IGF2R: variants seen among roughly 807,000 people sequenced by gnomAD.
IGF2R encodes the protein insulin like growth factor 2 receptor, also known as cation-independent mannose-6-phosphate receptor.
Under a neutral mutation model 270.6 loss-of-function variants are expected in IGF2R, and 91 were observed. That is an observed-to-expected ratio of 0.34 (90% CI 0.28 to 0.40). IGF2R has a LOEUF of 0.40. Ranked by LOEUF, IGF2R falls within the 10% of genes least tolerant of loss-of-function variation. The pLI is 1.00. For missense variants in IGF2R, 2,805 were observed against 3,188.3 expected (o/e 0.88, Z 2.90); for synonymous variants, 1,316 against 1,258.9 (o/e 1.05, Z -0.96).
chr6:160,093,460 T>C, intron 44 of IGF2R: 1 of 460,440 alleles, frequency 2.2e-6, no homozygotes, highest in Non-Finnish European at 4.1e-6. Flanking sequence ...GATGAAGAGT[T>C]TGAGGAGATC....
chr6:159,993,137 A>T (rs1410147473), intron 2 of IGF2R, among the ~76,000 whole-genome samples: 2 of 152,050 alleles, frequency 1.3e-5, no homozygotes, highest in Non-Finnish European at 2.9e-5. Flanking sequence ...TTCCTTGTAG[A>T]TTCTGGATGT....
rs1253692636 is a variant in IGF2R, at chr6:159,980,193, AAGAAAG to A, written c.149+10800_149+10805del. The stretch of plus-strand genomic sequence containing the variant: ...GAGACTCCGTCTCAAAAAAGAAAGA[AAGAAAG>A]AAAGAAAGAAAGAAAGAAAGAAAGA... On this transcript the variant is annotated intron_variant, in intron 1 of 47. Coordinates refer to ENST00000356956, the MANE Select transcript of IGF2R (RefSeq NM_000876.4). 4.0e-4 allele frequency among the ~76,000 whole-genome samples: 27 copies of A among 67,548 alleles called. 1 individual carries two copies. Among genetic ancestry groups the A allele is most frequent in the African/African-American group, 1.8e-3 (27 of 14,978 alleles). 44.3% of individuals were successfully genotyped at this position (67,548 alleles called of 152,430 possible).
rs753475165 is a variant in IGF2R, at chr6:160,103,803, C to T, written c.7053C>T (p.Tyr2351=). 6.2e-7 allele frequency: 1 copy of T among 1,608,488 alleles called. No homozygotes were observed. The highest frequency in any genetic ancestry group is 1.7e-5 in the Admixed American group (1 of 60,022). ...TCCRRSSNVS[Y]KYSKVNKEEE... ...GTAGGAGAAGTTCCAACGTGTCCTA[C>T]AAATACTCAAAGGTAATTTTCTGTG... The change falls in exon 47 of 48, where the codon TAC becomes TAT. Residue 2351 remains tyrosine, a synonymous_variant. Coordinates refer to ENST00000356956, the MANE Select transcript of IGF2R (RefSeq NM_000876.4).
chr6:160,043,550 C>T (rs1287009718), intron 12 of IGF2R, among the ~76,000 whole-genome samples: 2 of 152,232 alleles, frequency 1.3e-5, no homozygotes, highest in African/African-American at 4.8e-5. Flanking sequence ...ACTACATCAT[C>T]TTTTTAGTTT....
chr6:160,075,411 T>C (rs1349751873), intron 35 of IGF2R, among the ~76,000 whole-genome samples: 1 of 152,172 alleles, frequency 6.6e-6, no homozygotes, highest in East Asian at 1.9e-4. Flanking sequence ...GGGGCAGCAC[T>C]GGGCAGTGAG....
At chr6:160,041,838 T>G (rs1438231724) in intron 11 of IGF2R, among the ~76,000 whole-genome samples, 3 of 152,110 alleles carry the variant, frequency 2.0e-5, no homozygotes, top group Admixed American at 6.5e-5. Flanking sequence ...GTGAAGACAT[T>G]GGTTTTCTGT....
At chr6:160,023,668 A>AC (rs1264549913) in intron 4 of IGF2R, among the ~76,000 whole-genome samples, 1 of 152,042 alleles carries the variant, frequency 6.6e-6, no homozygotes, top group Non-Finnish European at 1.5e-5. Context: ...CAGAGGTTGA[A>AC]CCCCAAGTGT....
At chr6:160,075,740 A>G in intron 35 of IGF2R, 107 bp from the exon 36 acceptor site, 4 of 1,141,820 alleles carry the variant, frequency 3.5e-6, no homozygotes, top group Middle Eastern at 2.2e-4. Context: ...GCTCATTCTC[A>G]GAACCTATGA....
At chr6:160,054,125 G>C (rs1034655631) in intron 19 of IGF2R, among the ~76,000 whole-genome samples, 4 of 152,172 alleles carry the variant, frequency 2.6e-5, no homozygotes, top group Admixed American at 1.3e-4. Flanking sequence ...GGGAAGTGTA[G>C]CCTCAGGCCA....
rs1562332205 is a variant in IGF2R at position 159,984,392 on chromosome 6, G to GTCTTATGAAAGCA, written c.150-6790_150-6789insTTATGAAAGCATC. On this transcript the variant is annotated intron_variant, in intron 1 of 47. Coordinates refer to ENST00000356956, the MANE Select transcript of IGF2R (RefSeq NM_000876.4). ...ACTGCGCTACCAGTCTTATGAAAGC[G>GTCTTATGAAAGCA]TCCAGTCAGGTCCTAGGCCTTTAGG... 7.2e-4 allele frequency among the ~76,000 whole-genome samples: 110 copies of GTCTTATGAAAGCA among 152,152 alleles called. 1 individual carries two copies. Among genetic ancestry groups the GTCTTATGAAAGCA allele is most frequent in the African/African-American group, 2.6e-3 (108 of 41,498 alleles).
chr6:159,999,037 T>A (rs1432125492), intron 2 of IGF2R, among the ~76,000 whole-genome samples: 1 of 152,064 alleles, frequency 6.6e-6, no homozygotes, highest in South Asian at 2.1e-4. Context: ...TCCAAGGAAG[T>A]TGAGAGGCTG....
chr6:160,020,558 A>G (rs569330915), intron 4 of IGF2R, among the ~76,000 whole-genome samples: 4 of 152,340 alleles, frequency 2.6e-5, no homozygotes, highest in East Asian at 1.9e-4. Context: ...CTGGAGGGCT[A>G]TAGTAATCAA....
intron 2 of IGF2R, among the ~76,000 whole-genome samples, chr6:159,993,063 T>C (rs946386932): frequency 5.9e-5 from 9 of 152,224 alleles, no homozygotes; most frequent in Non-Finnish European, 1.3e-4. Context: ...TTTAGAGAAA[T>C]GTCTGTTCAT....
intron 10 of IGF2R, 67 bp downstream of exon 10, chr6:160,034,589 A>G (rs1777772543): frequency 5.7e-6 from 6 of 1,049,812 alleles, no homozygotes; most frequent in Non-Finnish European, 8.9e-6. Flanking sequence ...GTGTGTGCAC[A>G]GGCGTGTTCT....
chr6:160,024,816 G>A lies in IGF2R; in HGVS notation c.646+112G>A. The A allele has an allele frequency of 2.5e-6, 3 of 1,221,390 alleles. No individual in the cohort carries two copies. In the Admixed American group the frequency reaches 6.4e-5, roughly 26 times the overall value. 75.7% of individuals were successfully genotyped at this position (1,221,390 alleles called of 1,614,324 possible). On this transcript the variant is annotated intron_variant, in intron 5 of 47. Transcript: ENST00000356956. ...TTTTCACATCCATGTTTCTGATTAG[G>A]CCCTCTAATAAAGCTTTTGTCCCCA...
At chr6:159,981,607 T>C (rs1455692792) in intron 1 of IGF2R, among the ~76,000 whole-genome samples, 2 of 152,216 alleles carry the variant, frequency 1.3e-5, no homozygotes, top group East Asian at 3.9e-4. Flanking sequence ...CTGGTGGTGG[T>C]TTTCTCCTCA....
At chr6:160,013,413 A>T (rs1320210127) in intron 4 of IGF2R, among the ~76,000 whole-genome samples, 1 of 136,996 alleles carries the variant, frequency 7.3e-6, no homozygotes, top group Non-Finnish European at 1.6e-5. Context: ...TTCTTTGTAA[A>T]AAAAAAAAAA....
At chr6:159,973,854 A>G (rs1361179392) in intron 1 of IGF2R, among the ~76,000 whole-genome samples, 2 of 152,226 alleles carry the variant, frequency 1.3e-5, no homozygotes, top group Admixed American at 1.3e-4. Flanking sequence ...TGATCTTGGT[A>G]TATAAACTAT....
At chr6:160,064,568 C>T in intron 28 of IGF2R, 37 bp downstream of exon 28, 3 of 1,609,006 alleles carry the variant, frequency 1.9e-6, no homozygotes, top group Non-Finnish European at 2.6e-6. Context: ...GGGGTCTTCT[C>T]CCCACCCTCA....
Sources: gnomAD v4.1 joint callset for allele counts (sites outside exome capture counted in the v4.1 genomes callset) on GRCh38, gnomAD v4.1.1 for gene constraint, MANE v1.5 for transcripts, NCBI Gene and HGNC (gene_info 2026-07-23, HGNC 2026-07-21) for gene names.